Variants in DYNAP observed in about 807,000 individuals in gnomAD.
The protein encoded by DYNAP is dynactin associated protein.
A neutral mutation model predicts 8.5 loss-of-function variants in DYNAP; 7 were observed. The observed-to-expected ratio is 0.82, with a 90% confidence interval of 0.47 to 1.54. The LOEUF (loss-of-function observed/expected upper bound fraction) is 1.54. Ranked by LOEUF, DYNAP falls within the 40% of genes most tolerant of loss-of-function variation. The pLI is 0.01. For missense variants in DYNAP, 256 were observed against 224.3 expected (o/e 1.14, Z -0.90); for synonymous variants, 77 against 77.9 (o/e 0.99, Z 0.06).
At chr18:54,578,726 A>C in the DYNAP span, among the ~76,000 whole-genome samples, 1 of 152,226 alleles carries the variant, frequency 6.6e-6, no homozygotes, top group Non-Finnish European at 1.5e-5. Flanking sequence ...ATGCTTACAC[A>C]GTCTTCACAA....
the DYNAP span, among the ~76,000 whole-genome samples, chr18:54,580,859 GTTATT>G: frequency 6.6e-6 from 1 of 151,886 alleles, no homozygotes; most frequent in African/African-American, 2.4e-5. Flanking sequence ...TATTAGAATT[GTTATT>G]TTATTTTGTA....
At chr18:54,595,349 T>C (rs1017294660) in intron 2 of DYNAP, among the ~76,000 whole-genome samples, 1 of 152,190 alleles carries the variant, frequency 6.6e-6, no homozygotes, top group South Asian at 2.1e-4. Flanking sequence ...CTATAATAGA[T>C]AGAGAACATA....
intron 1 of DYNAP, among the ~76,000 whole-genome samples, chr18:54,592,151 G>C (rs1911101824): frequency 1.3e-5 from 2 of 152,092 alleles, no homozygotes; most frequent in African/African-American, 4.8e-5. Context: ...GAATCCTATA[G>C]AGGATTTCTG....
the DYNAP span, among the ~76,000 whole-genome samples, chr18:54,578,988 A>G: frequency 2.0e-5 from 3 of 151,912 alleles, no homozygotes; most frequent in Admixed American, 1.3e-4. Flanking sequence ...TTTAGTAGAG[A>G]CAGGGTTTCA....
At chr18:54,585,541 T>C (rs1421078661), upstream of DYNAP, among the ~76,000 whole-genome samples, 3 of 152,212 alleles carry the variant, frequency 2.0e-5, no homozygotes, top group Non-Finnish European at 4.4e-5. Flanking sequence ...TGTCCATCCA[T>C]GTGCACTGAG....
chr18:54,587,641 C>G (rs1055837596), upstream of DYNAP: 11 of 373,034 alleles, frequency 2.9e-5, no homozygotes, highest in East Asian at 4.3e-4. Context: ...AAATTTATGC[C>G]AAACATACAA....
upstream of DYNAP, among the ~76,000 whole-genome samples, chr18:54,582,768 C>A (rs1357151424): frequency 6.6e-6 from 1 of 152,200 alleles, no homozygotes; most frequent in Non-Finnish European, 1.5e-5. Context: ...CTCTTTTGAG[C>A]TATTTCTTCT....
chr18:54,596,989 C>T (rs766506184), intron 2 of DYNAP, among the ~76,000 whole-genome samples: 3 of 152,044 alleles, frequency 2.0e-5, no homozygotes, highest in Non-Finnish European at 4.4e-5. Context: ...TGTAATGTTT[C>T]AGACCTACTG....
chr18:54,598,121 T>G lies in DYNAP; in HGVS notation c.531T>G (p.Thr177=). The change falls in exon 3 of 3, where the codon ACT becomes ACG. Residue 177 remains threonine, a synonymous_variant. Coordinates refer to ENST00000648945, the MANE Select transcript of DYNAP (RefSeq NM_173629.3). ...TAATTSTEPI[T]VAPTDHL ...CCACCACTTCCACAGAACCTATAAC[T>G]GTTGCACCTACCGATCATTTATAAT... 6.2e-7 allele frequency: 1 copy of G among 1,611,158 alleles called. No homozygotes were observed. Among genetic ancestry groups the G allele is most frequent in the Non-Finnish European group, 8.5e-7 (1 of 1,178,094 alleles).
chr18:54,585,756 T>A (rs562370302), upstream of DYNAP, among the ~76,000 whole-genome samples: 1 of 152,208 alleles, frequency 6.6e-6, no homozygotes, highest in African/African-American at 2.4e-5. Context: ...CCTGCCTTAG[T>A]TCCCATCATT....
chr18:54,577,963 C>CA, the DYNAP span, among the ~76,000 whole-genome samples: 7,137 of 132,728 alleles, frequency 0.054, 427 homozygotes, highest in African/African-American at 0.12. Flanking sequence ...GACTCAGCCT[C>CA]AAAAAAAAAA....
At chr18:54,591,407 G>A (rs1911071585) in intron 1 of DYNAP, 68 bp downstream of exon 1, 2 of 1,520,030 alleles carry the variant, frequency 1.3e-6, no homozygotes, top group African/African-American at 2.8e-5. Context: ...TTTAAAAGCA[G>A]TTTAATCTCT....
intron 2 of DYNAP, among the ~76,000 whole-genome samples, chr18:54,595,538 A>G (rs1421791441): frequency 1.3e-5 from 2 of 152,098 alleles, no homozygotes; most frequent in African/African-American, 4.8e-5. Flanking sequence ...TACTCTGTGC[A>G]GCCTCCGAAC....
Position 54,595,025 on chromosome 18 carries a change from C to A in DYNAP, c.144C>A (p.Pro48=). 6.2e-7 allele frequency: 1 copy of A among 1,612,848 alleles called. No homozygotes were observed. The stretch of plus-strand genomic sequence containing the variant: ...ATGATATAACCAGTGATGTCTCTCC[C>A]AACTTAACTGGGGTCTGCGTGAACC... ...PSNDITSDVS[P]NLTGVCVNPG... Residue 48 remains proline, a synonymous_variant, in exon 2 of 3, where the codon CCC becomes CCA. Transcript: ENST00000648945.
chr18:54,587,903 A>G (rs781379733), upstream of DYNAP: 1 of 400,670 alleles, frequency 2.5e-6, no homozygotes, highest in Non-Finnish European at 4.4e-6. Flanking sequence ...GCTCAAACAC[A>G]GGTGAATTAT....
the DYNAP span, among the ~76,000 whole-genome samples, chr18:54,580,799 T>C: frequency 2.0e-5 from 3 of 152,322 alleles, no homozygotes; most frequent in East Asian, 5.8e-4. Context: ...ACCAGCGCCA[T>C]GACATCAAAT....
upstream of DYNAP, among the ~76,000 whole-genome samples, chr18:54,589,124 A>G (rs1475008899): frequency 1.3e-5 from 2 of 152,318 alleles, no homozygotes; most frequent in East Asian, 1.9e-4. Context: ...TTTGAGTAAG[A>G]TGATTTTAAA....
upstream of DYNAP, among the ~76,000 whole-genome samples, chr18:54,583,888 T>A (rs1448805847): frequency 6.6e-6 from 1 of 151,980 alleles, no homozygotes; most frequent in African/African-American, 2.4e-5. Context: ...GGAATACAGA[T>A]AATAATACCT....
the DYNAP span, among the ~76,000 whole-genome samples, chr18:54,578,625 G>A: frequency 6.6e-6 from 1 of 152,116 alleles, no homozygotes; most frequent in Admixed American, 6.5e-5. Context: ...CAGCCCATGG[G>A]TAACTGTTGT....
Sources: gnomAD v4.1 joint callset for allele counts (sites outside exome capture counted in the v4.1 genomes callset) on GRCh38, gnomAD v4.1.1 for gene constraint, MANE v1.5 for transcripts, NCBI Gene and HGNC (gene_info 2026-07-23, HGNC 2026-07-21) for gene names.